NRXN2: variants seen among roughly 807,000 people sequenced by gnomAD.
NRXN2 encodes the protein neurexin-2-beta.
A neutral mutation model predicts 128.8 loss-of-function variants in NRXN2; 29 were observed. The ratio of observed to expected loss-of-function variants is 0.23; its 90% CI spans 0.17 to 0.31. The LOEUF (loss-of-function observed/expected upper bound fraction) is 0.31. Among genes scored for constraint, NRXN2 ranks in the 10% least tolerant of loss-of-function variants. The pLI is 1.00. For missense variants in NRXN2, 1,881 were observed against 2,452.6 expected (o/e 0.77, Z 4.92); for synonymous variants, 1,098 against 1,075.2 (o/e 1.02, Z -0.41).
rs1018924695 is a variant in NRXN2, at chr11:64,622,944, C to T, written c.3982G>A (p.Asp1328Asn). 2.5e-6 allele frequency: 4 copies of T among 1,613,146 alleles called. No individual in the cohort carries two copies. The highest frequency in any genetic ancestry group is 2.5e-6 in the Non-Finnish European group (3 of 1,179,722). ...TGACCCTCAGTCCGCACATTGGGGT[C>T]GCTCTCGGCGGCCAGCGCCAGCACC... ...LKVLALAAES[D>N]PNVRTEGHLR... Residue 1328 changes from aspartate to asparagine, a missense_variant, in exon 21 of 23, where the codon GAC (aspartate) becomes AAC (asparagine). This residue lies in a region of NRXN2 where 108 missense variants were observed against 165.2 expected (regional missense o/e 0.65). Transcript: ENST00000265459. The surrounding 1 kb of genome is among the most constrained non-coding windows in gnomAD (Gnocchi z 4.3).
chr11:64,661,101 C>T lies in NRXN2; in HGVS notation c.1837G>A (p.Ala613Thr). Reference protein sequence around the residue: ...SVNSRSTPFLATGDSEILDLE... With the variant: ...SVNSRSTPFLTTGDSEILDLE... ...TCCAGAATCTCGCTGTCTCCAGTGGCCAAGAACGGCGTGCTGCGACTATTC... is the reference window on the plus strand; with the variant it reads ...TCCAGAATCTCGCTGTCTCCAGTGGTCAAGAACGGCGTGCTGCGACTATTC... The change falls in exon 10 of 23, where the codon GCC becomes ACC. Residue 613 changes from alanine to threonine, a missense_variant. By Grantham distance (58) the Ala-to-Thr change is moderately conservative. Transcript: ENST00000265459. 6.2e-7 allele frequency: 1 copy of T among 1,613,558 alleles called. No homozygotes were observed. The highest frequency in any genetic ancestry group is 8.5e-7 in the Non-Finnish European group (1 of 1,180,014).
chr11:64,712,988 C>G lies in NRXN2; in HGVS notation c.712G>C (p.Gly238Arg). Residue 238 changes from glycine (G) to arginine (R), a missense_variant, in exon 2 of 23, where the codon GGC becomes CGC. Coordinates refer to ENST00000265459, the MANE Select transcript of NRXN2 (RefSeq NM_015080.4). ...GGCTCACCTTCGCTGCAGAACTTGC[C>G]GCCGAAGCCCGTGTGGCTGCAGTCG... ...GCDCSHTGFG[G>R]KFCSEEEHPM... 6.7e-7 allele frequency: 1 copy of G among 1,496,832 alleles called. No individual in the cohort carries two copies. The highest frequency in any genetic ancestry group is 8.9e-7 in the Non-Finnish European group (1 of 1,128,120). The allele number at this position is 1,496,832 out of a possible 1,614,324, so 92.7% of individuals were successfully genotyped here.
rs1342021277 is a variant in NRXN2 at position 64,685,620 on chromosome 11, C to G, written c.1152+26G>C. ...CATTCTACCCCAGGTATAGCTAATC[C>G]CTGGCCTTCTTCTCACTCCTCCTAC... On this transcript the variant is annotated intron_variant, in intron 6 of 22. Transcript: ENST00000265459. 2.5e-6 allele frequency: 4 copies of G among 1,614,132 alleles called. No homozygotes were observed. The Admixed American group carries it at 6.7e-5, about 27-fold the overall frequency.
At chr11:64,640,003 C>T (rs537443804) in intron 17 of NRXN2, among the ~76,000 whole-genome samples, 15 of 152,136 alleles carry the variant, frequency 9.9e-5, no homozygotes, top group African/African-American at 3.6e-4. Context: ...GGCCTCATCC[C>T]TTCTCCTCCT....
chr11:64,679,527 C>A (rs1267405031), intron 6 of NRXN2, among the ~76,000 whole-genome samples: 2 of 152,096 alleles, frequency 1.3e-5, no homozygotes, highest in Non-Finnish European at 2.9e-5. Flanking sequence ...GTCCCAGCTA[C>A]TTGGGAGGCT....
At chr11:64,690,232 G>C (rs1397723552) in intron 5 of NRXN2, among the ~76,000 whole-genome samples, 173 bp downstream of exon 5, 1 of 152,176 alleles carries the variant, frequency 6.6e-6, no homozygotes, top group Non-Finnish European at 1.5e-5. Context: ...TTCACATCAG[G>C]GCAGCTAATG....
rs754975761 is a variant in NRXN2 at position 64,660,185 on chromosome 11, T to C, written c.2389+147A>G. 1.7e-4 allele frequency: 144 copies of C among 829,300 alleles called. No individual in the cohort carries two copies. The highest frequency in any genetic ancestry group is 2.7e-4 in the Non-Finnish European group (133 of 496,764). The allele number at this position is 829,300 out of a possible 1,614,324, so 51.4% of individuals were successfully genotyped here. On this transcript the variant is annotated intron_variant, in intron 11 of 22. Coordinates refer to ENST00000265459, the MANE Select transcript of NRXN2 (RefSeq NM_015080.4). The surrounding 1 kb of genome is among the most constrained non-coding windows in gnomAD (Gnocchi z 5.2). ...CACCAGGGACAGAGCTCTCAGGGTC[T>C]CTGACCCAGGCTGGCGCCTCCCCAC... is the stretch of plus-strand genomic sequence containing the variant.
intron 4 of NRXN2, 22 bp downstream of exon 4, chr11:64,692,824 CA>C: frequency 6.2e-7 from 1 of 1,613,418 alleles, no homozygotes; most frequent in African/African-American, 1.3e-5. Flanking sequence ...CAATCCAAAC[CA>C]AACCAAAACT....
intron 2 of NRXN2, among the ~76,000 whole-genome samples, chr11:64,699,802 A>G (rs1424572095): frequency 6.6e-6 from 1 of 152,178 alleles, no homozygotes; most frequent in Non-Finnish European, 1.5e-5. Flanking sequence ...GGCTCTCGTG[A>G]AGACTGCTGT....
At chr11:64,693,247 G>GA (rs35035960) in intron 3 of NRXN2, among the ~76,000 whole-genome samples, 1,828 of 142,498 alleles carry the variant, frequency 0.013, 38 homozygotes, top group African/African-American at 0.044. Flanking sequence ...CTTCTTGCCG[G>GA]AAAAAAAAAA....
chr11:64,630,588 G>C lies in NRXN2; in HGVS notation c.3586-15C>G, dbSNP rs1284796370. On this transcript the variant is annotated splice_polypyrimidine_tract_variant and intron_variant, in intron 18 of 22. Transcript: ENST00000265459. This position sits in a 1 kb window ranked among gnomAD's most constrained non-coding sequence, Gnocchi z 4.6. The stretch of plus-strand genomic sequence containing the variant: ...GTGCCCTGGTCCTGGGGACATGGAG[G>C]TGGAGGTCAGCGACCAGAGGGAGCA... 1 of 1,613,518 alleles carries C rather than the reference G, an allele frequency of 6.2e-7. No homozygotes were observed. The highest frequency in any genetic ancestry group is 8.5e-7 in the Non-Finnish European group (1 of 1,179,986).
chr11:64,691,194 G>C (rs779282554), intron 4 of NRXN2, among the ~76,000 whole-genome samples: 12 of 152,206 alleles, frequency 7.9e-5, no homozygotes, highest in Non-Finnish European at 1.5e-4. Context: ...CCACCATTGT[G>C]CCTACAAAAG....
chr11:64,609,194 G>A (rs939305936), intron 22 of NRXN2, among the ~76,000 whole-genome samples: 2 of 151,930 alleles, frequency 1.3e-5, no homozygotes, highest in East Asian at 1.9e-4. Context: ...CCTGAGCTAA[G>A]CCTAACTCCC....
At chr11:64,649,928 GC>G (rs1281688946) in intron 15 of NRXN2, among the ~76,000 whole-genome samples, 1 of 152,022 alleles carries the variant, frequency 6.6e-6, no homozygotes, top group Non-Finnish European at 1.5e-5. Flanking sequence ...CACTGAAGAG[GC>G]CCTGGGGAAT....
At chr11:64,641,010 G>C (rs749666927) in intron 17 of NRXN2, among the ~76,000 whole-genome samples, 1 of 152,086 alleles carries the variant, frequency 6.6e-6, no homozygotes, top group Non-Finnish European at 1.5e-5. Flanking sequence ...GAAGTGATGA[G>C]GGTACAAGGA....
At chr11:64,693,810 A>T (rs1005033656) in intron 3 of NRXN2, among the ~76,000 whole-genome samples, 56 of 152,186 alleles carry the variant, frequency 3.7e-4, no homozygotes, top group African/African-American at 1.4e-3. Context: ...GCCGAGCCCT[A>T]TGGGAGGAAG....
chr11:64,702,971 T>TAAAAAA (rs557268486), intron 2 of NRXN2, among the ~76,000 whole-genome samples: 1 of 51,148 alleles, frequency 2.0e-5, no homozygotes, highest in African/African-American at 7.7e-5. Flanking sequence ...CCCAGGTCTC[T>TAAAAAA]AAAAAAAAAA....
chr11:64,695,262 A>G (rs932740524), intron 3 of NRXN2, among the ~76,000 whole-genome samples: 1 of 152,140 alleles, frequency 6.6e-6, no homozygotes, highest in Non-Finnish European at 1.5e-5. Flanking sequence ...GAGACTGGCA[A>G]TGATGGATGG....
chr11:64,607,359 T>G lies in NRXN2; in HGVS notation c.4976A>C (p.Lys1659Thr). 6.2e-7 allele frequency: 1 copy of G among 1,613,922 alleles called. No individual in the cohort carries two copies. The change falls in exon 23 of 23, where the codon AAG becomes ACG. Residue 1659 changes from lysine to threonine, a missense_variant. Coordinates refer to ENST00000265459, the MANE Select transcript of NRXN2 (RefSeq NM_015080.4). ...GGAGCCCTCATCACGATTGCGGTAC[T>G]TATACATGGCGTAGAGGAGGATGAG... ...CILILLYAMY[K>T]YRNRDEGSYQ...
Sources: allele counts gnomAD v4.1 joint callset (sites outside exome capture counted in the v4.1 genomes callset), GRCh38; gene constraint gnomAD v4.1.1; regional missense constraint gnomAD v4.1.1; non-coding constraint Gnocchi (gnomAD v3.1); transcripts MANE v1.5; gene names NCBI Gene and HGNC (gene_info 2026-07-23, HGNC 2026-07-21).